Variants in TEX2 observed in about 807,000 individuals in gnomAD.
The protein encoded by TEX2 is testis-expressed protein 2.
In TEX2, 53 loss-of-function variants were observed where a neutral mutation model predicts 106.9. The observed-to-expected ratio is 0.50, with a 90% CI of 0.40 to 0.62. The LOEUF is 0.62. Among genes scored for constraint, TEX2 ranks in the 20% least tolerant of loss-of-function variants. The pLI, the probability that TEX2 is intolerant of heterozygous loss-of-function variation, is 0.00. For missense variants in TEX2, 1,207 were observed against 1,379.0 expected (o/e 0.88, Z 1.98); for synonymous variants, 523 against 534.8 (o/e 0.98, Z 0.30).
chr17:64,198,650 T>C (rs2032556625), intron 2 of TEX2, among the ~76,000 whole-genome samples: 1 of 131,338 alleles, frequency 7.6e-6, no homozygotes, highest in Non-Finnish European at 1.8e-5. Flanking sequence ...CCTTCGTCCA[T>C]CCTAATACCT....
chr17:64,147,947 A>G lies in TEX2; in HGVS notation c.*1022T>C, dbSNP rs143764044. ...TTGTAAACTAAACATTCTGACACAA[A>G]TGCACAAAATTAAGTTGGCAACATT... On this transcript the variant is annotated 3_prime_UTR_variant, in exon 12 of 12. Coordinates refer to ENST00000584379, the MANE Select transcript of TEX2 (RefSeq NM_001288732.2). 74 of 152,752 alleles carry G rather than the reference A, an allele frequency of 4.8e-4. No individual in the cohort carries two copies. Among genetic ancestry groups the G allele is most frequent in the African/African-American group, 1.8e-3 (73 of 41,572 alleles). The allele number at this position is 152,752 out of a possible 1,614,324, so 9.5% of individuals were successfully genotyped here. A position where few individuals can be genotyped will look rare whatever the true frequency, so the allele number is the denominator to read the frequency against.
chr17:64,150,890 A>G lies in TEX2; in HGVS notation c.3212T>C (p.Leu1071Ser), dbSNP rs150826013. The change falls in exon 11 of 12, where the codon TTA becomes TCA. Residue 1071 changes from leucine to serine, a missense_variant. Physicochemically the swap from Leu to Ser is moderately radical, Grantham distance 145. This residue lies in a region of TEX2 where 77 missense variants were observed against 73.2 expected (regional missense o/e 1.05). Coordinates refer to ENST00000584379, the MANE Select transcript of TEX2 (RefSeq NM_001288732.2). ...CTCTATCCAGTCTGTCACATGAACT[A>G]AAGTCACTTCTCTCTCTCCAAGTTT... is the stretch of plus-strand genomic sequence containing the variant. The part of the protein sequence containing the change: ...RPKLGEREVT[L>S]VHVTDWIEKK... 1.4e-4 allele frequency: 222 copies of G among 1,613,942 alleles called. 1 individual carries two copies. In the East Asian group the frequency reaches 3.9e-3, roughly 28 times the overall value.
Position 64,214,252 on chromosome 17 carries a change from C to A in TEX2, c.-25-10G>T, listed in dbSNP as rs782627920. On this transcript the variant is annotated splice_polypyrimidine_tract_variant and intron_variant, in intron 1 of 11. Coordinates refer to ENST00000584379, the MANE Select transcript of TEX2 (RefSeq NM_001288732.2). ...CACAAGGGCTCAGGCTCTGTGAAAA[C>A]AGTGAGAAAACCAGAAGTCAGAGAG... 5 of 1,580,496 alleles carry A rather than the reference C, an allele frequency of 3.2e-6. No homozygotes were observed. Among genetic ancestry groups the A allele is most frequent in the Non-Finnish European group, 3.4e-6 (4 of 1,160,498 alleles).
chr17:64,213,603 T>G lies in TEX2; in HGVS notation c.615A>C (p.Pro205=). The change falls in exon 2 of 12, where the codon CCA becomes CCC. Residue 205 remains proline (P), a synonymous_variant. Coordinates refer to ENST00000584379, the MANE Select transcript of TEX2 (RefSeq NM_001288732.2). This position sits in a 1 kb window ranked among gnomAD's most constrained non-coding sequence, Gnocchi z 4.4. ...TCAAGTGCCTGTGCCTTGCGGGGTGTGGGGATTCTTTTGGCTCCACCTCGG... is the reference window on the plus strand; with the variant it reads ...TCAAGTGCCTGTGCCTTGCGGGGTGGGGGGATTCTTTTGGCTCCACCTCGG... ...LSTEVEPKES[P]HPARHRHLMK... 4 of 1,613,952 alleles carry G rather than the reference T, an allele frequency of 2.5e-6. No individual in the cohort carries two copies. Among genetic ancestry groups the G allele is most frequent in the Non-Finnish European group, 3.4e-6 (4 of 1,179,956 alleles).
chr17:64,262,908 C>T (rs539414338), intron 1 of TEX2, among the ~76,000 whole-genome samples: 9 of 152,286 alleles, frequency 5.9e-5, no homozygotes, highest in African/African-American at 1.9e-4. Context: ...GGGGACGGGG[C>T]CGGCAGCTCC....
chr17:64,152,116 T>C (rs2030387128), intron 10 of TEX2, among the ~76,000 whole-genome samples: 1 of 152,240 alleles, frequency 6.6e-6, no homozygotes, highest in Non-Finnish European at 1.5e-5. Flanking sequence ...ATGTTGGTTT[T>C]ACTCTATGAT....
rs541846308 is a variant in TEX2 at position 64,202,539 on chromosome 17, G to T, written c.1645-7444C>A. Among the ~76,000 whole-genome samples, 18 of 152,304 alleles carry T rather than the reference G, an allele frequency of 1.2e-4. No individual in the cohort carries two copies. In the South Asian group the frequency reaches 3.3e-3, roughly 28 times the overall value. On this transcript the variant is annotated intron_variant, in intron 2 of 11. Transcript: ENST00000584379. ...CAAGTCCCTGGATTAAGCTGCAAAT[G>T]AAATTTCCAGATTTCAGCAATTGTC... is the stretch of plus-strand genomic sequence containing the variant.
chr17:64,186,840 C>G (rs2032095128), intron 5 of TEX2, among the ~76,000 whole-genome samples: 1 of 152,050 alleles, frequency 6.6e-6, no homozygotes, highest in Admixed American at 6.5e-5. Flanking sequence ...AAAAAGAGGT[C>G]AAACACCTGG....
intron 8 of TEX2, chr17:64,155,539 A>G (rs929626411): frequency 6.6e-6 from 1 of 152,070 alleles, no homozygotes; most frequent in African/African-American, 2.4e-5. Context: ...CACCTGCCCT[A>G]TCTCCTGAGG....
intron 2 of TEX2, among the ~76,000 whole-genome samples, chr17:64,202,849 T>G (rs894915977): frequency 2.0e-5 from 3 of 152,172 alleles, no homozygotes; most frequent in Non-Finnish European, 4.4e-5. Context: ...GCTGTTAAAA[T>G]GGACACAGTG....
At chr17:64,187,677 C>T (rs1598156126) in intron 5 of TEX2, among the ~76,000 whole-genome samples, 1 of 152,136 alleles carries the variant, frequency 6.6e-6, no homozygotes, top group Non-Finnish European at 1.5e-5. Context: ...CACTGTCCGG[C>T]CAGGCCTCCT....
intron 2 of TEX2, among the ~76,000 whole-genome samples, chr17:64,211,199 G>T (rs2032991556): frequency 6.6e-6 from 1 of 152,108 alleles, no homozygotes; most frequent in African/African-American, 2.4e-5. Context: ...GACCTCAAGT[G>T]ATCTGCCTCC....
chr17:64,155,395 CTGA>C (rs1390551953), intron 8 of TEX2: 1 of 155,704 alleles, frequency 6.4e-6, no homozygotes, highest in Non-Finnish European at 1.4e-5. Flanking sequence ...CCACTTCTCA[CTGA>C]TGATGGGATG....
At chr17:64,174,593 G>T (rs191864502) in intron 6 of TEX2, among the ~76,000 whole-genome samples, 5 of 152,248 alleles carry the variant, frequency 3.3e-5, no homozygotes, top group African/African-American at 1.2e-4. Flanking sequence ...CCACCCAAAG[G>T]GTACCACAGT....
At position 64,205,489 on chromosome 17, in the gene TEX2, C is replaced by T. The variant is rs1157229977; in HGVS notation, c.1644+7085G>A. On this transcript the variant is annotated intron_variant, in intron 2 of 11. Coordinates refer to ENST00000584379, the MANE Select transcript of TEX2 (RefSeq NM_001288732.2). The surrounding 1 kb of genome is among the most constrained non-coding windows in gnomAD (Gnocchi z 4.0). ...AATGCACTCACATTTCTTGTCCTTA[C>T]TCTAAGTTATAAGAGACCAACAAAA... Among the ~76,000 whole-genome samples the T allele has an allele frequency of 1.3e-5, 2 of 152,166 alleles. No homozygotes were observed. Among genetic ancestry groups the T allele is most frequent in the African/African-American group, 4.8e-5 (2 of 41,444 alleles).
chr17:64,247,595 G>A (rs918483094), intron 1 of TEX2, among the ~76,000 whole-genome samples: 15 of 152,180 alleles, frequency 9.9e-5, no homozygotes, highest in African/African-American at 3.1e-4. Context: ...GCTTGCGCAC[G>A]GATGCCCCGC....
Position 64,194,967 on chromosome 17 carries a change from C to T in TEX2, c.1773G>A (p.Arg591=), listed in dbSNP as rs774440297. The part of the protein sequence containing the change: ...LSKPNKNISR[R]ASYNEPKPEV... Reference sequence around the variant, plus strand: ...CTGGCTTGGGTTCATTGTAGCTGGCCCTCCTGGATATATTTTTATTGGGCT... The same window carrying T: ...CTGGCTTGGGTTCATTGTAGCTGGCTCTCCTGGATATATTTTTATTGGGCT... The change falls in exon 3 of 12, where the codon AGG becomes AGA. Residue 591 remains arginine, a synonymous_variant. Coordinates refer to ENST00000584379, the MANE Select transcript of TEX2 (RefSeq NM_001288732.2). The T allele has an allele frequency of 6.2e-7, 1 of 1,614,094 alleles. No individual in the cohort carries two copies. Among genetic ancestry groups the T allele is most frequent in the Non-Finnish European group, 8.5e-7 (1 of 1,180,012 alleles).
chr17:64,173,673 C>T (rs1403242877), intron 6 of TEX2, among the ~76,000 whole-genome samples: 1 of 150,506 alleles, frequency 6.6e-6, no homozygotes, highest in Non-Finnish European at 1.5e-5. Flanking sequence ...GTGGTATTGG[C>T]CTCTCTACCA....
At chr17:64,261,239 C>A (rs1321127524) in intron 1 of TEX2, among the ~76,000 whole-genome samples, 1 of 152,156 alleles carries the variant, frequency 6.6e-6, no homozygotes, top group African/African-American at 2.4e-5. Context: ...AACCCTCCAT[C>A]ATTTCTATAA....
Sources: gnomAD v4.1 joint callset for allele counts (sites outside exome capture counted in the v4.1 genomes callset) on GRCh38, gnomAD v4.1.1 for gene constraint, gnomAD v4.1.1 regional missense constraint, Gnocchi (gnomAD v3.1) non-coding constraint, MANE v1.5 for transcripts, NCBI Gene and HGNC (gene_info 2026-07-23, HGNC 2026-07-21) for gene names.